RGS12: variants seen among roughly 807,000 people sequenced by gnomAD.
The protein encoded by RGS12 is regulator of G protein signaling 12.
A neutral mutation model predicts 120.1 loss-of-function variants in RGS12; 66 were observed. That is an observed-to-expected ratio of 0.55 (90% confidence interval 0.45 to 0.67). The LOEUF (loss-of-function observed/expected upper bound fraction) is 0.67. RGS12 is among the 30% of genes least tolerant of loss of function. The pLI is 0.00. For missense variants in RGS12, 1,859 were observed against 1,957.7 expected (o/e 0.95, Z 0.95); for synonymous variants, 827 against 804.7 (o/e 1.03, Z -0.47).
intron 1 of RGS12, among the ~76,000 whole-genome samples, chr4:3,300,189 C>T (rs1723606671): frequency 6.6e-6 from 1 of 152,206 alleles, no homozygotes; most frequent in South Asian, 2.1e-4. Flanking sequence ...CTCGGAGGCG[C>T]CCAGGCCTTC....
intron 9 of RGS12, 40 bp from the exon 10 acceptor site, chr4:3,420,602 G>A: frequency 6.2e-7 from 1 of 1,601,238 alleles, no homozygotes; most frequent in Non-Finnish European, 8.6e-7. Flanking sequence ...GAATAAACAG[G>A]GTTCTGATTG....
chr4:3,364,774 T>C (rs546223179), intron 3 of RGS12, among the ~76,000 whole-genome samples: 3 of 152,180 alleles, frequency 2.0e-5, no homozygotes, highest in East Asian at 3.9e-4. Context: ...GCGACTGCCC[T>C]GTGTGTGGCT....
intron 2 of RGS12, among the ~76,000 whole-genome samples, chr4:3,321,498 G>A (rs1442713927): frequency 6.6e-6 from 1 of 152,216 alleles, no homozygotes; most frequent in Non-Finnish European, 1.5e-5. Flanking sequence ...AGCTGGGCAC[G>A]GCAGGGTGGG....
At chr4:3,375,325 G>GC (rs368813479) in intron 3 of RGS12, among the ~76,000 whole-genome samples, 18,108 of 71,440 alleles carry the variant, frequency 0.25, 2,552 homozygotes, top group Middle Eastern at 0.4. Flanking sequence ...CTCATCTCCA[G>GC]CCTCATCTCC....
chr4:3,396,562 A>G (rs1363818542), intron 4 of RGS12, among the ~76,000 whole-genome samples: 1 of 152,216 alleles, frequency 6.6e-6, no homozygotes, highest in African/African-American at 2.4e-5. Context: ...CAACACCTGT[A>G]TCAGGTAATC....
rs765508619 is a variant in RGS12 at position 3,316,833 on chromosome 4, G to C, written c.663G>C (p.Leu221Phe). 6.2e-7 allele frequency: 1 copy of C among 1,614,158 alleles called. No homozygotes were observed. The highest frequency in any genetic ancestry group is 1.1e-5 in the South Asian group (1 of 91,084). ...TAGAAAGTCATGACGATTTTGCATTGGATGCAAGTATTTTAAACGTGGCGA... is the reference window on the plus strand; with the variant it reads ...TAGAAAGTCATGACGATTTTGCATTCGATGCAAGTATTTTAAACGTGGCGA... Reference protein sequence around the residue: ...IGLESHDDFALDASILNVAMI... With the variant: ...IGLESHDDFAFDASILNVAMI... Residue 221 changes from leucine to phenylalanine, a missense_variant, in exon 2 of 18, where the codon TTG becomes TTC. Physicochemically the swap from Leu to Phe is conservative, Grantham distance 22. Around this residue, in one of 3 missense-constraint regions of RGS12, gnomAD observed 967 missense variants for 994.2 expected, o/e 0.97. Transcript: ENST00000336727.
Position 3,322,158 on chromosome 4 carries a change from C to T in RGS12, c.1881+4107C>T, listed in dbSNP as rs184023855. 8.8e-3 allele frequency among the ~76,000 whole-genome samples: 1,347 copies of T among 152,276 alleles called. 12 individuals are homozygous for T. Among genetic ancestry groups the T allele is most frequent in the Non-Finnish European group, 0.013 (884 of 68,022 alleles). Reference sequence around the variant, plus strand: ...CCAGCGAGCCAGACCCCTTGTTGCTCGGCATTTCTACGTCTCCTTGGTGAG... The same window carrying T: ...CCAGCGAGCCAGACCCCTTGTTGCTTGGCATTTCTACGTCTCCTTGGTGAG... On this transcript the variant is annotated intron_variant, in intron 2 of 17. Transcript: ENST00000336727.
rs752357411 is a variant in RGS12 at position 3,433,723 on chromosome 4, G to A, written c.4114+2768G>A. Among the ~76,000 whole-genome samples, 4 of 151,266 alleles carry A rather than the reference G, an allele frequency of 2.6e-5. No individual in the cohort carries two copies. The highest frequency in any genetic ancestry group is 6.6e-5 in the Admixed American group (1 of 15,210). ...TAGCCTCAGCGTCATGCACCGCACC[G>A]CCCCATGCTTCTAGCCCCAGCGCCA... is the stretch of plus-strand genomic sequence containing the variant. On this transcript the variant is annotated intron_variant, in intron 17 of 17. Coordinates refer to ENST00000336727, the MANE Select transcript of RGS12 (RefSeq NM_001394154.1). The surrounding 1 kb of genome is among the most constrained non-coding windows in gnomAD (Gnocchi z 4.4).
chr4:3,370,448 G>A, intron 3 of RGS12: 1 of 942,898 alleles, frequency 1.1e-6, no homozygotes, highest in South Asian at 1.5e-5. Context: ...CTTTGGAAAT[G>A]GTTTTCATGT....
At chr4:3,382,615 C>A (rs1218666962) in intron 3 of RGS12, among the ~76,000 whole-genome samples, 1 of 150,614 alleles carries the variant, frequency 6.6e-6, no homozygotes, top group Non-Finnish European at 1.5e-5. Flanking sequence ...AATCTCAGAT[C>A]CTGAGGAGAC....
At position 3,430,910 on chromosome 4, in the gene RGS12, C is replaced by T. The variant is rs757441494; in HGVS notation, c.4069C>T (p.Pro1357Ser). The change falls in exon 17 of 18, where the codon CCG (proline) becomes TCG (serine). Residue 1357 changes from proline to serine, a missense_variant. This residue lies in a region of RGS12 where 517 missense variants were observed against 488.5 expected (regional missense o/e 1.06). Transcript: ENST00000336727. ...CAGCAGCCCCAACAGCACCTTGCTGCCGCCGCCCTCCACCCCCCAGGAAGT... is the reference window on the plus strand; with the variant it reads ...CAGCAGCCCCAACAGCACCTTGCTGTCGCCGCCCTCCACCCCCCAGGAAGT... ...DISSPNSTLL[P>S]PPSTPQEVPG... is the part of the protein sequence containing the mutation. 1.1e-5 allele frequency: 18 copies of T among 1,612,668 alleles called. No homozygotes were observed. The highest frequency in any genetic ancestry group is 6.7e-5 in the Admixed American group (4 of 60,000).
At chr4:3,313,568 T>A (rs538548424) in intron 1 of RGS12, among the ~76,000 whole-genome samples, 1 of 152,306 alleles carries the variant, frequency 6.6e-6, no homozygotes, top group African/African-American at 2.4e-5. Context: ...ACACATTCAT[T>A]CTCCTGCGTT....
rs1719427087 is a variant in RGS12 at position 3,390,885 on chromosome 4, T to C, written c.2020+4448T>C. Among the ~76,000 whole-genome samples the C allele has an allele frequency of 6.6e-6, 1 of 152,256 alleles. No homozygotes were observed. The highest frequency in any genetic ancestry group is 1.5e-5 in the Non-Finnish European group (1 of 68,052). ...CTGCATTCCTCTTTAAAATATAAAGTATAATTGTTGATATTTTTGGCAAAT... is the reference window on the plus strand; with the variant it reads ...CTGCATTCCTCTTTAAAATATAAAGCATAATTGTTGATATTTTTGGCAAAT... On this transcript the variant is annotated intron_variant, in intron 4 of 17. Transcript: ENST00000336727. This position sits in a 1 kb window ranked among gnomAD's most constrained non-coding sequence, Gnocchi z 4.6.
At chr4:3,412,973 G>C (rs999597323) in intron 4 of RGS12, 1 of 149,474 alleles carries the variant, frequency 6.7e-6, no homozygotes, top group East Asian at 2.0e-4. Flanking sequence ...CACTGCTCAC[G>C]TCAGGAGGGA....
At chr4:3,303,084 C>T (rs1297602699) in intron 1 of RGS12, among the ~76,000 whole-genome samples, 3 of 152,016 alleles carry the variant, frequency 2.0e-5, no homozygotes, top group East Asian at 1.9e-4. Flanking sequence ...CATGGGGCCA[C>T]GAGGAAGTGG....
upstream of RGS12, among the ~76,000 whole-genome samples, chr4:3,292,851 C>A (rs530962932): frequency 2.0e-4 from 31 of 152,142 alleles, no homozygotes; most frequent in South Asian, 3.3e-3. Context: ...AGTCCCGTTA[C>A]CACGCTGTCC....
intron 1 of RGS12, among the ~76,000 whole-genome samples, chr4:3,307,055 C>T (rs1383215788): frequency 6.6e-6 from 1 of 152,200 alleles, no homozygotes; most frequent in Non-Finnish European, 1.5e-5. Context: ...TTGGTGCTGA[C>T]CAAGTTTGTT....
chr4:3,289,935 T>G (rs1213622717), upstream of RGS12, among the ~76,000 whole-genome samples: 1 of 152,236 alleles, frequency 6.6e-6, no homozygotes, highest in Non-Finnish European at 1.5e-5. Context: ...GCCTGGCTTA[T>G]TTCACTGTTA....
chr4:3,422,745 T>C (rs1723161299), intron 11 of RGS12, among the ~76,000 whole-genome samples, 160 bp from the exon 12 acceptor site: 1 of 152,240 alleles, frequency 6.6e-6, no homozygotes, highest in Non-Finnish European at 1.5e-5. Context: ...ACTTTGCACG[T>C]GGGTGCTGGG....
Sources: gnomAD v4.1 joint callset for allele counts (sites outside exome capture counted in the v4.1 genomes callset) on GRCh38, gnomAD v4.1.1 for gene constraint, gnomAD v4.1.1 regional missense constraint, Gnocchi (gnomAD v3.1) non-coding constraint, MANE v1.5 for transcripts, NCBI Gene and HGNC (gene_info 2026-07-23, HGNC 2026-07-21) for gene names.